The following SOX18 variants were observed in gnomAD, a reference collection of about 807,000 sequenced individuals.
SOX18 encodes SRY-box transcription factor 18.
Under a neutral mutation model 9.1 loss-of-function variants are expected in SOX18, and 2 were observed. That is an observed-to-expected ratio of 0.22 (90% confidence interval 0.09 to 0.69). SOX18 has a LOEUF of 0.69. Ranked by LOEUF, SOX18 falls within the 30% of genes least tolerant of loss-of-function variation. The probability of loss-of-function intolerance (pLI) is 0.80; values close to 1 mark genes in which losing one functional copy is unlikely to be tolerated. For missense variants in SOX18, 542 were observed against 567.3 expected, an observed-to-expected ratio of 0.96 and a Z score of 0.45; for synonymous variants, 292 against 280.5, an observed-to-expected ratio of 1.04 and a Z score of -0.41.
rs780769626 is a variant in SOX18, at chr20:64,048,885, A to G, written c.436T>C (p.Leu146=). 2.7e-5 allele frequency: 43 copies of G among 1,595,430 alleles called. No homozygotes were observed. The East Asian group carries it at 2.7e-4, about 10-fold the overall frequency. Residue 146 remains leucine, a synonymous_variant, in exon 2 of 2, where the codon TTG becomes CTG. Coordinates refer to ENST00000340356, the MANE Select transcript of SOX18 (RefSeq NM_018419.3). ...EEAERLRVQH[L]RDHPNYKYRP... is the part of the protein sequence containing the mutation. ...TACTTGTAGTTGGGGTGGTCGCGCAAGTGCTGCACGCGCAGCCGTTCGGCT... is the reference window on the plus strand; with the variant it reads ...TACTTGTAGTTGGGGTGGTCGCGCAGGTGCTGCACGCGCAGCCGTTCGGCT...
Position 64,048,035 on chromosome 20 carries a change from G to T in SOX18, c.*131C>A. On this transcript the variant is annotated 3_prime_UTR_variant, in exon 2 of 2. Transcript: ENST00000340356. ...AACGGGCGCAAGGCCGAGCATCACT[G>T]GCTCCTAGGGGGCTGTGACATGGAA... is the stretch of plus-strand genomic sequence containing the variant. 1 of 968,598 alleles carries T rather than the reference G, an allele frequency of 1.0e-6. No individual in the cohort carries two copies. The highest frequency in any genetic ancestry group is 1.6e-6 in the Non-Finnish European group (1 of 638,138). 60.0% of individuals were successfully genotyped at this position (968,598 alleles called of 1,614,324 possible). A position where few individuals can be genotyped will look rare whatever the true frequency, so the allele number is the denominator to read the frequency against.
Position 64,048,912 on chromosome 20 carries a change from C to A in SOX18, c.409G>T (p.Glu137Ter). Residue 137 changes from glutamate to a stop codon, truncating the protein, a stop_gained, in exon 2 of 2, where the codon GAA (glutamate) becomes TAA (stop). Coordinates refer to ENST00000340356, the MANE Select transcript of SOX18 (RefSeq NM_018419.3). LOFTEE classifies it low-confidence loss of function (END_TRUNC). ...NAAEKRPFVE[E>*]AERLRVQHLR... The stretch of plus-strand genomic sequence containing the variant: ...TGCTGCACGCGCAGCCGTTCGGCTT[C>A]CTCCACGAAGGGCCGCTTCTCCGCC... The A allele has an allele frequency of 6.3e-7, 1 of 1,596,990 alleles. No homozygotes were observed. Among genetic ancestry groups the A allele is most frequent in the Non-Finnish European group, 8.5e-7 (1 of 1,176,314 alleles).
At position 64,049,420 on chromosome 20, in the gene SOX18, G is replaced by T; in HGVS notation, c.97C>A (p.Arg33Ser). 2.0e-6 allele frequency: 2 copies of T among 992,350 alleles called. No homozygotes were observed. The highest frequency in any genetic ancestry group is 2.4e-6 in the Non-Finnish European group (2 of 836,310). The allele number at this position is 992,350 out of a possible 1,614,324, so 61.5% of individuals were successfully genotyped here. The stretch of plus-strand genomic sequence containing the variant: ...GCGGCGGGGCCGGCGGCGAGGCCGC[G>T]CGTGTCAGCGGCGGCCCCGTGTCCC... ...APGHGAAADT[R>S]GLAAGPAALA... Residue 33 changes from arginine (R) to serine (S), a missense_variant, in exon 1 of 2, where the codon CGC becomes AGC. Physicochemically the swap from Arg to Ser is moderately radical, Grantham distance 110. Coordinates refer to ENST00000340356, the MANE Select transcript of SOX18 (RefSeq NM_018419.3).
At chr20:64,049,028 C>T (rs1188137468) in intron 1 of SOX18, 66 bp from the exon 2 acceptor site, 7 of 1,481,034 alleles carry the variant, frequency 4.7e-6, no homozygotes, top group Non-Finnish European at 6.2e-6. Context: ...CCTCCGTGCG[C>T]CCGGGACGCC....
Position 64,048,948 on chromosome 20 carries a change from C to T in SOX18, c.373G>A (p.Glu125Lys), listed in dbSNP as rs752128070. The T allele has an allele frequency of 3.1e-6, 5 of 1,591,276 alleles. No homozygotes were observed. The African/African-American group carries it at 6.8e-5, about 22-fold the overall frequency. The change falls in exon 2 of 2, where the codon GAG (glutamate) becomes AAG (lysine). Residue 125 changes from glutamate to lysine, a missense_variant. Coordinates refer to ENST00000340356, the MANE Select transcript of SOX18 (RefSeq NM_018419.3). Reference protein sequence around the residue: ...LSKMLGKAWKELNAAEKRPFV... With the variant: ...LSKMLGKAWKKLNAAEKRPFV... ...GGCCGCTTCTCCGCCGCGTTCAGCT[C>T]CTTCCACGCTTTGCCTGCGGGCCGT...
In SOX18 at chr20:64,048,667, C is replaced by T; in HGVS notation, c.654G>A (p.Ser218=). The T allele has an allele frequency of 7.6e-7, 1 of 1,312,868 alleles. No individual in the cohort carries two copies. Among genetic ancestry groups the T allele is most frequent in the Non-Finnish European group, 9.6e-7 (1 of 1,037,656 alleles). The allele number at this position is 1,312,868 out of a possible 1,614,324, so 81.3% of individuals were successfully genotyped here. A position where few individuals can be genotyped will look rare whatever the true frequency, so the allele number is the denominator to read the frequency against. The change falls in exon 2 of 2, where the codon TCG becomes TCA. Residue 218 remains serine (S), a synonymous_variant. Transcript: ENST00000340356. ...CGCCGGGCTCCAGGCCGTCCAGAGG[C>T]GAGCGCTCGGGCGTGGGCAGCCCCA... ...DGLGLPTPER[S]PLDGLEPGEA...
chr20:64,048,129 G>C lies in SOX18; in HGVS notation c.*37C>G. 17 of 1,520,530 alleles carry C rather than the reference G, an allele frequency of 1.1e-5. No homozygotes were observed. The highest frequency in any genetic ancestry group is 1.4e-5 in the Non-Finnish European group (16 of 1,133,694). The allele number at this position is 1,520,530 out of a possible 1,614,324, so 94.2% of individuals were successfully genotyped here. A position where few individuals can be genotyped will look rare whatever the true frequency, so the allele number is the denominator to read the frequency against. ...GTCGGATCGGTCGCGGGGGCTGCGG[G>C]AGGAAGCGCTGCAGGGACCCGGGCG... On this transcript the variant is annotated 3_prime_UTR_variant, in exon 2 of 2. Coordinates refer to ENST00000340356, the MANE Select transcript of SOX18 (RefSeq NM_018419.3).
Position 64,047,814 on chromosome 20 carries a change from CA to C in SOX18, c.*351del, listed in dbSNP as rs2059400090. On this transcript the variant is annotated 3_prime_UTR_variant, in exon 2 of 2. Coordinates refer to ENST00000340356, the MANE Select transcript of SOX18 (RefSeq NM_018419.3). ...AAGGGCAAAGTAAAAAATATTAATA[CA>C]ATCTGGTTGTAGAAAATACACTGCA... The C allele has an allele frequency of 1.3e-5, 4 of 313,832 alleles. No individual in the cohort carries two copies. Among genetic ancestry groups the C allele is most frequent in the Non-Finnish European group, 2.4e-5 (4 of 169,608 alleles). The allele number at this position is 313,832 out of a possible 1,614,324, so 19.4% of individuals were successfully genotyped here. A position where few individuals can be genotyped will look rare whatever the true frequency, so the allele number is the denominator to read the frequency against.
Position 64,048,384 on chromosome 20 carries a change from C to A in SOX18, c.937G>T (p.Gly313Trp). ...TCGGCCCACAGATCGGCGGCGGGCCCCAGCGGCTCGGCGCTCTCCAGCGGC... is the reference window on the plus strand; with the variant it reads ...TCGGCCCACAGATCGGCGGCGGGCCACAGCGGCTCGGCGCTCTCCAGCGGC... Reference protein sequence around the residue: ...APPLESAEPLGPAADLWADVD... With the variant: ...APPLESAEPLWPAADLWADVD... The change falls in exon 2 of 2, where the codon GGG (glycine) becomes TGG (tryptophan). Residue 313 changes from glycine (G) to tryptophan (W), a missense_variant. Physicochemically the swap from Gly to Trp is radical, Grantham distance 184 (BLOSUM62 -2). Transcript: ENST00000340356. 6.4e-7 allele frequency: 1 copy of A among 1,559,770 alleles called. No individual in the cohort carries two copies. Among genetic ancestry groups the A allele is most frequent in the Non-Finnish European group, 8.6e-7 (1 of 1,156,396 alleles).
chr20:64,049,301 G>A lies in SOX18; in HGVS notation c.216C>T (p.Ala72=). The change falls in exon 1 of 2, where the codon GCC becomes GCT. Residue 72 remains alanine (A), a synonymous_variant. Coordinates refer to ENST00000340356, the MANE Select transcript of SOX18 (RefSeq NM_018419.3). ...CTGCCGCCTGGCGTTCCCCGCGGCC[G>A]GCCGGGCTGAGGCCATAGCGCCCCG... The part of the protein sequence containing the change: ...PEPGRYGLSP[A]GRGERQAADE... 6.7e-7 allele frequency: 1 copy of A among 1,482,050 alleles called. No individual in the cohort carries two copies. Among genetic ancestry groups the A allele is most frequent in the Non-Finnish European group, 9.0e-7 (1 of 1,106,050 alleles). The allele number at this position is 1,482,050 out of a possible 1,614,324, so 91.8% of individuals were successfully genotyped here.
Position 64,047,882 on chromosome 20 carries a change from CT to C in SOX18, c.*283del. On this transcript the variant is annotated 3_prime_UTR_variant, in exon 2 of 2. Transcript: ENST00000340356. ...CTTCAAAAATGTAACCCTGGCAACT[CT>C]GCCAACAGGTCCTGGGCTCGGGCTT... The C allele has an allele frequency of 4.0e-5, 21 of 527,074 alleles. No individual in the cohort carries two copies. The highest frequency in any genetic ancestry group is 1.5e-4 in the South Asian group (6 of 39,772). 32.6% of individuals were successfully genotyped at this position (527,074 alleles called of 1,614,324 possible). A position where few individuals can be genotyped will look rare whatever the true frequency, so the allele number is the denominator to read the frequency against.
Position 64,049,332 on chromosome 20 carries a change from G to A in SOX18, c.185C>T (p.Pro62Leu). ...PSPQRSPPRS[P>L]EPGRYGLSPA... ...GCTGAGGCCATAGCGCCCCGGCTCG[G>A]GGCTGCGCGGGGGACTGCGCTGCGG... The change falls in exon 1 of 2, where the codon CCC becomes CTC. Residue 62 changes from proline to leucine, a missense_variant. Transcript: ENST00000340356. 1.5e-6 allele frequency: 2 copies of A among 1,344,614 alleles called. No individual in the cohort carries two copies. Among genetic ancestry groups the A allele is most frequent in the African/African-American group, 1.5e-5 (1 of 64,756 alleles). The allele number at this position is 1,344,614 out of a possible 1,614,324, so 83.3% of individuals were successfully genotyped here.
chr20:64,048,487 C>A lies in SOX18; in HGVS notation c.834G>T (p.Pro278=). The A allele has an allele frequency of 8.1e-7, 1 of 1,231,786 alleles. No individual in the cohort carries two copies. Among genetic ancestry groups the A allele is most frequent in the Non-Finnish European group, 1.0e-6 (1 of 990,434 alleles). 76.3% of individuals were successfully genotyped at this position (1,231,786 alleles called of 1,614,324 possible). Residue 278 remains proline (P), a synonymous_variant, in exon 2 of 2, where the codon CCG becomes CCT. Coordinates refer to ENST00000340356, the MANE Select transcript of SOX18 (RefSeq NM_018419.3). ...GGGTGCCGTAGTACAGGCCAGCGAGCGGCGCCGCGGGGGGCGCGGTCCTGA... is the reference window on the plus strand; with the variant it reads ...GGGTGCCGTAGTACAGGCCAGCGAGAGGCGCCGCGGGGGGCGCGGTCCTGA... ...EALRTAPPAA[P]LAGLYYGTLG...
Position 64,049,435 on chromosome 20 carries a change from C to T in SOX18, c.82G>A (p.Ala28Thr). 1.0e-6 allele frequency: 1 copy of T among 1,003,942 alleles called. No homozygotes were observed. The highest frequency in any genetic ancestry group is 1.2e-6 in the Non-Finnish European group (1 of 844,104). 62.2% of individuals were successfully genotyped at this position (1,003,942 alleles called of 1,614,324 possible). Reference sequence around the variant, plus strand: ...GCGAGGCCGCGCGTGTCAGCGGCGGCCCCGTGTCCCGGGGCCCATGCACAG... The same window carrying T: ...GCGAGGCCGCGCGTGTCAGCGGCGGTCCCGTGTCCCGGGGCCCATGCACAG... The part of the protein sequence containing the change: ...RDCAWAPGHG[A>T]AADTRGLAAG... The change falls in exon 1 of 2, where the codon GCC (alanine) becomes ACC (threonine). Residue 28 changes from alanine to threonine, a missense_variant. Coordinates refer to ENST00000340356, the MANE Select transcript of SOX18 (RefSeq NM_018419.3).
Position 64,049,297 on chromosome 20 carries a change from G to C in SOX18, c.220C>G (p.Arg74Gly). Reference protein sequence around the residue: ...PGRYGLSPAGRGERQAADESR... With the variant: ...PGRYGLSPAGGGERQAADESR... ...TCGTCTGCCGCCTGGCGTTCCCCGC[G>C]GCCGGCCGGGCTGAGGCCATAGCGC... Residue 74 changes from arginine (R) to glycine (G), a missense_variant, in exon 1 of 2, where the codon CGC (arginine) becomes GGC (glycine). Coordinates refer to ENST00000340356, the MANE Select transcript of SOX18 (RefSeq NM_018419.3). 1.3e-6 allele frequency: 2 copies of C among 1,484,962 alleles called. No individual in the cohort carries two copies. Among genetic ancestry groups the C allele is most frequent in the African/African-American group, 2.9e-5 (2 of 67,804 alleles). The allele number at this position is 1,484,962 out of a possible 1,614,324, so 92.0% of individuals were successfully genotyped here.
chr20:64,048,691 C>T lies in SOX18; in HGVS notation c.630G>A (p.Leu210=). 1.5e-6 allele frequency: 2 copies of T among 1,358,092 alleles called. No homozygotes were observed. The highest frequency in any genetic ancestry group is 1.9e-6 in the Non-Finnish European group (2 of 1,064,188). The allele number at this position is 1,358,092 out of a possible 1,614,324, so 84.1% of individuals were successfully genotyped here. A position where few individuals can be genotyped will look rare whatever the true frequency, so the allele number is the denominator to read the frequency against. ...GCGAGCGCTCGGGCGTGGGCAGCCC[C>T]AGGCCGTCGAACTCGGCGCCCAGCG... ...LPPLGAEFDG[L]GLPTPERSPL... is the part of the protein sequence containing the mutation. The change falls in exon 2 of 2, where the codon CTG becomes CTA. Residue 210 remains leucine, a synonymous_variant. Transcript: ENST00000340356.
rs1360780073 is a variant in SOX18 at position 64,049,304 on chromosome 20, C to T, written c.213G>A (p.Pro71=). 2.7e-6 allele frequency: 4 copies of T among 1,476,116 alleles called. No homozygotes were observed. Among genetic ancestry groups the T allele is most frequent in the African/African-American group, 1.5e-5 (1 of 67,446 alleles). 91.4% of individuals were successfully genotyped at this position (1,476,116 alleles called of 1,614,324 possible). The change falls in exon 1 of 2, where the codon CCG becomes CCA. Residue 71 remains proline, a synonymous_variant. Transcript: ENST00000340356. ...CCGCCTGGCGTTCCCCGCGGCCGGC[C>T]GGGCTGAGGCCATAGCGCCCCGGCT... ...SPEPGRYGLS[P]AGRGERQAAD...
At position 64,049,178 on chromosome 20, in the gene SOX18, C is replaced by T. The variant is rs762120326; in HGVS notation, c.339G>A (p.Ala113=). The change falls in exon 1 of 2, where the codon GCG becomes GCA. Residue 113 remains alanine (A), a synonymous_variant. Coordinates refer to ENST00000340356, the MANE Select transcript of SOX18 (RefSeq NM_018419.3). The part of the protein sequence containing the change: ...LAQQNPDLHN[A]VLSKMLGKAW... ...GCTCACCCAGCATCTTGCTGAGCACCGCGTTGTGCAGGTCCGGGTTCTGCT... is the reference window on the plus strand; with the variant it reads ...GCTCACCCAGCATCTTGCTGAGCACTGCGTTGTGCAGGTCCGGGTTCTGCT... 1.1e-5 allele frequency: 17 copies of T among 1,484,780 alleles called. No individual in the cohort carries two copies. The highest frequency in any genetic ancestry group is 1.5e-5 in the Non-Finnish European group (17 of 1,108,876). The allele number at this position is 1,484,780 out of a possible 1,614,324, so 92.0% of individuals were successfully genotyped here.
At position 64,048,155 on chromosome 20, in the gene SOX18, GC is replaced by G; in HGVS notation, c.*10del. On this transcript the variant is annotated 3_prime_UTR_variant, in exon 2 of 2. Coordinates refer to ENST00000340356, the MANE Select transcript of SOX18 (RefSeq NM_018419.3). ...AGGAAGCGCTGCAGGGACCCGGGCG[GC>G]GCCGGCGGCCTAGCCGGAGATGCAC... 1 of 1,538,858 alleles carries G rather than the reference GC, an allele frequency of 6.5e-7. No individual in the cohort carries two copies. Among genetic ancestry groups the G allele is most frequent in the Non-Finnish European group, 8.7e-7 (1 of 1,147,332 alleles).
Sources: allele counts gnomAD v4.1 joint callset, GRCh38; gene constraint gnomAD v4.1.1; transcripts MANE v1.5; gene names NCBI Gene and HGNC (gene_info 2026-07-23, HGNC 2026-07-21).